Variants in SLC46A1 observed in about 807,000 individuals in gnomAD.
The protein encoded by SLC46A1 is proton-coupled folate transporter.
In SLC46A1, 17 loss-of-function variants were observed where a neutral mutation model predicts 32.1. The ratio of observed to expected loss-of-function variants is 0.53; its 90% CI spans 0.36 to 0.79. The LOEUF is 0.79. SLC46A1 is among the 30% of genes least tolerant of loss of function. SLC46A1 has a pLI of 0.00. For synonymous variants in SLC46A1, 240 were observed against 262.7 expected, an observed-to-expected ratio of 0.91 and a Z score of 0.84; for missense variants, 517 against 588.2, an observed-to-expected ratio of 0.88 and a Z score of 1.25.
intron 1 of SLC46A1, 112 bp downstream of exon 1, chr17:28,405,775 G>T: frequency 8.1e-7 from 1 of 1,230,930 alleles, no homozygotes; most frequent in Non-Finnish European, 1.1e-6. Flanking sequence ...CATCCAAAAT[G>T]CACCCTCCCT....
rs1174198937 is a variant in SLC46A1, at chr17:28,397,055, C to G, written c.*2601G>C. ...GCCTCAAAGCCCACCCTACCCCATG[C>G]CTTGGTGCTGTGCCTCAGGCTCCTT... On this transcript the variant is annotated 3_prime_UTR_variant, in exon 5 of 5. Transcript: ENST00000612814. The G allele has an allele frequency of 1.3e-5, 2 of 152,710 alleles. No homozygotes were observed. The highest frequency in any genetic ancestry group is 3.9e-4 in the East Asian group (2 of 5,192). The allele number at this position is 152,710 out of a possible 1,614,324, so 9.5% of individuals were successfully genotyped here.
Position 28,400,868 on chromosome 17 carries a change from T to C in SLC46A1, c.1166-102A>G, listed in dbSNP as rs944648664. ...TGTGACCGGGAGTAGTCACTTAACCTATGTCTCCCCTTCCTCACCAGTAAA... is the reference window on the plus strand; with the variant it reads ...TGTGACCGGGAGTAGTCACTTAACCCATGTCTCCCCTTCCTCACCAGTAAA... On this transcript the variant is annotated intron_variant, in intron 3 of 4. Coordinates refer to ENST00000612814, the MANE Select transcript of SLC46A1 (RefSeq NM_080669.6). 8 of 1,027,856 alleles carry C rather than the reference T, an allele frequency of 7.8e-6. No individual in the cohort carries two copies. The Admixed American group carries it at 1.6e-4, about 20-fold the overall frequency. 63.7% of individuals were successfully genotyped at this position (1,027,856 alleles called of 1,614,324 possible).
intron 3 of SLC46A1, 138 bp downstream of exon 3, chr17:28,402,100 T>C (rs1240574612): frequency 1.9e-5 from 13 of 674,284 alleles, no homozygotes; most frequent in Non-Finnish European, 2.9e-5. Context: ...TTCACAGAAA[T>C]GTGTTTGTTT....
chr17:28,396,409 C>G lies in SLC46A1; in HGVS notation c.*3247G>C. ...TGGGCTCTTCTTAGGAAATGGCTCT[C>G]CCTCCCCCTGTCCCCCACCCTCATG... On this transcript the variant is annotated 3_prime_UTR_variant, in exon 5 of 5. Coordinates refer to ENST00000612814, the MANE Select transcript of SLC46A1 (RefSeq NM_080669.6). 2 of 1,148,552 alleles carry G rather than the reference C, an allele frequency of 1.7e-6. No individual in the cohort carries two copies. 71.1% of individuals were successfully genotyped at this position (1,148,552 alleles called of 1,614,324 possible). A position where few individuals can be genotyped will look rare whatever the true frequency, so the allele number is the denominator to read the frequency against.
intron 3 of SLC46A1, 109 bp from the exon 4 acceptor site, chr17:28,400,875 C>G: frequency 2.1e-6 from 2 of 950,714 alleles, no homozygotes; most frequent in South Asian, 2.8e-5. Context: ...ACCTATGTCT[C>G]CCCTTCCTCA....
chr17:28,402,145 G>T (rs1567816783), intron 3 of SLC46A1, 93 bp downstream of exon 3: 1 of 1,081,714 alleles, frequency 9.2e-7, no homozygotes. Context: ...GAGGGGGGAA[G>T]GCAAGCTGTT....
rs1053281382 is a variant in SLC46A1 at position 28,396,403 on chromosome 17, G to A, written c.*3253C>T. 1.6e-6 allele frequency: 2 copies of A among 1,234,438 alleles called. No individual in the cohort carries two copies. Among genetic ancestry groups the A allele is most frequent in the Non-Finnish European group, 2.3e-6 (2 of 869,932 alleles). 76.5% of individuals were successfully genotyped at this position (1,234,438 alleles called of 1,614,324 possible). On this transcript the variant is annotated 3_prime_UTR_variant, in exon 5 of 5. Coordinates refer to ENST00000612814, the MANE Select transcript of SLC46A1 (RefSeq NM_080669.6). ...ACAACCTGGGCTCTTCTTAGGAAAT[G>A]GCTCTCCCTCCCCCTGTCCCCCACC...
rs1264009707 is a variant in SLC46A1 at position 28,395,584 on chromosome 17, C to T, written c.*4072G>A. The T allele has an allele frequency of 1.5e-5, 4 of 271,666 alleles. No individual in the cohort carries two copies. The highest frequency in any genetic ancestry group is 2.8e-5 in the Non-Finnish European group (4 of 141,180). The allele number at this position is 271,666 out of a possible 1,614,324, so 16.8% of individuals were successfully genotyped here. A position where few individuals can be genotyped will look rare whatever the true frequency, so the allele number is the denominator to read the frequency against. ...TGCCCTGGTCTCCCTGGTGACCAGC[C>T]CTCTTCCTGAAACTATCTAGGCTAC... is the stretch of plus-strand genomic sequence containing the variant. On this transcript the variant is annotated 3_prime_UTR_variant, in exon 5 of 5. Coordinates refer to ENST00000612814, the MANE Select transcript of SLC46A1 (RefSeq NM_080669.6).
In SLC46A1 at chr17:28,405,910, G is replaced by T. The variant is rs781941176; in HGVS notation, c.205C>A (p.Arg69Ser). 17 of 1,604,468 alleles carry T rather than the reference G, an allele frequency of 1.1e-5. No homozygotes were observed. The East Asian group carries it at 3.6e-4, about 34-fold the overall frequency. The part of the protein sequence containing the change: ...GTRQRGGCSN[R>S]SADPTMQEVE... ...ACCTGCATGGTGGGGTCCGCGCTGCGGTTGCTGCAGCCCCCCCTTTGGCGG... is the reference window on the plus strand; with the variant it reads ...ACCTGCATGGTGGGGTCCGCGCTGCTGTTGCTGCAGCCCCCCCTTTGGCGG... The change falls in exon 1 of 5, where the codon CGC becomes AGC. Residue 69 changes from arginine to serine, a missense_variant. Arg to Ser is a moderately radical substitution (Grantham distance 110). Coordinates refer to ENST00000612814, the MANE Select transcript of SLC46A1 (RefSeq NM_080669.6).
rs41297071 is a variant in SLC46A1, at chr17:28,405,926, C to A, written c.189G>T (p.Arg63Ser). 1.1e-4 allele frequency: 175 copies of A among 1,609,716 alleles called. No homozygotes were observed. The highest frequency in any genetic ancestry group is 1.8e-4 in the Middle Eastern group (1 of 5,576). ...ADLGYNGTRQ[R>S]GGCSNRSADP... The stretch of plus-strand genomic sequence containing the variant: ...CCGCGCTGCGGTTGCTGCAGCCCCC[C>A]CTTTGGCGGGTGCCATTGTAGCCGA... Residue 63 changes from arginine (R) to serine (S), a missense_variant, in exon 1 of 5, where the codon AGG becomes AGT. Transcript: ENST00000612814.
chr17:28,399,442 C>G lies in SLC46A1; in HGVS notation c.*214G>C, dbSNP rs2068168531. 20 of 584,754 alleles carry G rather than the reference C, an allele frequency of 3.4e-5. No homozygotes were observed. The South Asian group carries it at 3.5e-4, about 10-fold the overall frequency. 36.2% of individuals were successfully genotyped at this position (584,754 alleles called of 1,614,324 possible). On this transcript the variant is annotated 3_prime_UTR_variant, in exon 5 of 5. Coordinates refer to ENST00000612814, the MANE Select transcript of SLC46A1 (RefSeq NM_080669.6). Reference sequence around the variant, plus strand: ...CCTCTGCCACCTGTCCTGCAGTGGGCCTGTGTGGGTTATGATTCTAGATCC... The same window carrying G: ...CCTCTGCCACCTGTCCTGCAGTGGGGCTGTGTGGGTTATGATTCTAGATCC...
chr17:28,404,735 G>A lies in SLC46A1; in HGVS notation c.962C>T (p.Ala321Val). 6.2e-7 allele frequency: 1 copy of A among 1,614,048 alleles called. No homozygotes were observed. Among genetic ancestry groups the A allele is most frequent in the Non-Finnish European group, 8.5e-7 (1 of 1,179,902 alleles). ...QHLPYLTSLLALKLLQYCLAD... is the reference protein window; with the variant it reads ...QHLPYLTSLLVLKLLQYCLAD... ...CAGGCAGTACTGCAGGAGCTTCAGG[G>A]CCAGCAGGCTGGTGAGGTAGGGGAG... Residue 321 changes from alanine (A) to valine (V), a missense_variant, in exon 2 of 5, where the codon GCC becomes GTC. Coordinates refer to ENST00000612814, the MANE Select transcript of SLC46A1 (RefSeq NM_080669.6).
rs782161981 is a variant in SLC46A1 at position 28,404,883 on chromosome 17, G to A, written c.814C>T (p.Leu272=). ...ACAGTGATCACCACGAAGATGGCCA[G>A]TGAGTAGAGGGCTAAATGTTTCCTG... The part of the protein sequence containing the change: ...KSRKHLALYS[L]AIFVVITVHF... Residue 272 remains leucine, a synonymous_variant, in exon 2 of 5, where the codon CTG becomes TTG. Coordinates refer to ENST00000612814, the MANE Select transcript of SLC46A1 (RefSeq NM_080669.6). The A allele has an allele frequency of 6.2e-6, 10 of 1,613,954 alleles. No homozygotes were observed. Among genetic ancestry groups the A allele is most frequent in the Admixed American group, 5.0e-5 (3 of 60,012 alleles).
In SLC46A1 at chr17:28,402,220, G is replaced by T. The variant is rs1555589761; in HGVS notation, c.1165+18C>A. 6 of 1,607,118 alleles carry T rather than the reference G, an allele frequency of 3.7e-6. No individual in the cohort carries two copies. The African/African-American group carries it at 5.3e-5, about 14-fold the overall frequency. On this transcript the variant is annotated intron_variant, in intron 3 of 4. Coordinates refer to ENST00000612814, the MANE Select transcript of SLC46A1 (RefSeq NM_080669.6). ...ACTGGACATGAGGAACCAGACACAG[G>T]TGGGTTCTGACACTCACCCTGCTCT...
chr17:28,400,822 G>A (rs781971528), intron 3 of SLC46A1, 56 bp from the exon 4 acceptor site: 98 of 1,489,788 alleles, frequency 6.6e-5, no homozygotes, highest in Non-Finnish European at 8.8e-5. Context: ...TTCCAACTCT[G>A]GCACCACCAC....
chr17:28,400,811 A>C, intron 3 of SLC46A1, 45 bp from the exon 4 acceptor site: 1 of 1,532,862 alleles, frequency 6.5e-7, no homozygotes, highest in Non-Finnish European at 8.8e-7. Context: ...AAAGGGCCAT[A>C]TTCCAACTCT....
chr17:28,397,719 C>G lies in SLC46A1; in HGVS notation c.*1937G>C, dbSNP rs2068146220. 1 of 152,250 alleles carries G rather than the reference C, an allele frequency of 6.6e-6. No individual in the cohort carries two copies. Among genetic ancestry groups the G allele is most frequent in the Non-Finnish European group, 1.5e-5 (1 of 68,068 alleles). 9.4% of individuals were successfully genotyped at this position (152,250 alleles called of 1,614,324 possible). Reference sequence around the variant, plus strand: ...AAGCTGACCCAGAGGCCATACAGAGCAGGAATATCCCATTGCCCCCTCCTC... The same window carrying G: ...AAGCTGACCCAGAGGCCATACAGAGGAGGAATATCCCATTGCCCCCTCCTC... On this transcript the variant is annotated 3_prime_UTR_variant, in exon 5 of 5. Coordinates refer to ENST00000612814, the MANE Select transcript of SLC46A1 (RefSeq NM_080669.6).
At position 28,404,674 on chromosome 17, in the gene SLC46A1, G is replaced by A. The variant is rs1378804034; in HGVS notation, c.1023C>T (p.Phe341=). The stretch of plus-strand genomic sequence containing the variant: ...CAAAGACCACCATCCCCAGGATGTT[G>A]AAGGCCAGGCCGATCTCAGCTACCC... The part of the protein sequence containing the change: ...DAWVAEIGLA[F]NILGMVVFAF... Residue 341 remains phenylalanine (F), a synonymous_variant, in exon 2 of 5, where the codon TTC becomes TTT. Coordinates refer to ENST00000612814, the MANE Select transcript of SLC46A1 (RefSeq NM_080669.6). The A allele has an allele frequency of 2.5e-6, 4 of 1,613,080 alleles. No individual in the cohort carries two copies. The highest frequency in any genetic ancestry group is 1.3e-5 in the African/African-American group (1 of 74,902).
Position 28,404,844 on chromosome 17 carries a change from G to A in SLC46A1, c.853C>T (p.Gln285Ter). The change falls in exon 2 of 5, where the codon CAG becomes TAG. Residue 285 changes from glutamine (Q) to a stop codon, truncating the protein, a stop_gained. Coordinates refer to ENST00000612814, the MANE Select transcript of SLC46A1 (RefSeq NM_080669.6). LOFTEE classifies it high-confidence loss of function. ...FVVITVHFGA[Q>*]DILTLYELST... ...AGTTCATAAAGGGTTAAGATGTCCT[G>A]GGCCCCAAAGTGCACAGTGATCACC... is the stretch of plus-strand genomic sequence containing the variant. The A allele has an allele frequency of 1.2e-5, 20 of 1,614,004 alleles. No homozygotes were observed. The highest frequency in any genetic ancestry group is 1.7e-5 in the Non-Finnish European group (20 of 1,179,900).
Sources: allele counts gnomAD v4.1 joint callset, GRCh38; gene constraint gnomAD v4.1.1; transcripts MANE v1.5; gene names NCBI Gene and HGNC (gene_info 2026-07-23, HGNC 2026-07-21).